Variants in ADGRB3 observed in about 807,000 individuals in gnomAD.
ADGRB3 encodes the protein adhesion G protein-coupled receptor B3.
In ADGRB3, 37 loss-of-function variants were observed where a neutral mutation model predicts 193.4. The observed-to-expected ratio is 0.19, with a 90% CI of 0.15 to 0.25. The LOEUF is 0.25. ADGRB3 is among the 10% of genes least tolerant of loss of function. The probability of loss-of-function intolerance (pLI) is 1.00; values close to 1 mark genes in which losing one functional copy is unlikely to be tolerated. For missense variants in ADGRB3, 1,637 were observed against 1,852.9 expected (o/e 0.88, Z 2.14); for synonymous variants, 690 against 644.2 (o/e 1.07, Z -1.08).
intron 3 of ADGRB3, among the ~76,000 whole-genome samples, chr6:68,821,325 C>T (rs984553769): frequency 4.0e-5 from 6 of 151,878 alleles, no homozygotes; most frequent in East Asian, 1.9e-4. Context: ...TTTACATAAG[C>T]GTAAATTACT....
intron 8 of ADGRB3, among the ~76,000 whole-genome samples, chr6:68,957,834 CTAAGAA>C (rs1198512606): frequency 6.6e-6 from 1 of 152,120 alleles, no homozygotes; most frequent in African/African-American, 2.4e-5. Flanking sequence ...CAGTACAACA[CTAAGAA>C]TAACAACAGA....
chr6:68,890,145 A>G (rs1033124838), intron 3 of ADGRB3, among the ~76,000 whole-genome samples: 3 of 152,218 alleles, frequency 2.0e-5, no homozygotes, highest in Non-Finnish European at 4.4e-5. Context: ...AAAACCACAA[A>G]GCACTTAATG....
At chr6:69,288,351 T>C (rs1767596900) in intron 20 of ADGRB3, among the ~76,000 whole-genome samples, 2 of 152,198 alleles carry the variant, frequency 1.3e-5, no homozygotes, top group Non-Finnish European at 2.9e-5. Context: ...TCCAGCTTTA[T>C]CCATGTCCCT....
At chr6:69,325,872 A>G (rs1382229677) in intron 21 of ADGRB3, among the ~76,000 whole-genome samples, 1 of 152,198 alleles carries the variant, frequency 6.6e-6, no homozygotes, top group Admixed American at 6.5e-5. Context: ...ATAAATTAGG[A>G]CTTTATCCAC....
At chr6:69,353,960 G>A (rs1346183935) in intron 26 of ADGRB3, among the ~76,000 whole-genome samples, 11 of 152,198 alleles carry the variant, frequency 7.2e-5, no homozygotes, top group Admixed American at 7.2e-4. Context: ...CTACTTGAGA[G>A]GCTGAGGCAG....
At chr6:68,761,069 T>G (rs1242826863) in intron 3 of ADGRB3, among the ~76,000 whole-genome samples, 1 of 152,172 alleles carries the variant, frequency 6.6e-6, no homozygotes, top group Admixed American at 6.6e-5. Flanking sequence ...TCCTGCTGCC[T>G]CCTCCAGCGG....
intron 11 of ADGRB3, among the ~76,000 whole-genome samples, chr6:69,001,412 A>G (rs1769572834): frequency 6.6e-6 from 1 of 152,224 alleles, no homozygotes; most frequent in Non-Finnish European, 1.5e-5. Flanking sequence ...TTTGAACTTG[A>G]TTCTCTATAA....
At chr6:68,923,453 A>G (rs192709392) in intron 3 of ADGRB3, among the ~76,000 whole-genome samples, 46 of 152,102 alleles carry the variant, frequency 3.0e-4, no homozygotes, top group Admixed American at 3.0e-3. Context: ...CTCCACTTAT[A>G]TTTTTTTGGT....
At chr6:68,857,674 G>A (rs1765026646) in intron 3 of ADGRB3, among the ~76,000 whole-genome samples, 1 of 152,148 alleles carries the variant, frequency 6.6e-6, no homozygotes, top group South Asian at 2.1e-4. Flanking sequence ...TGAGACTTTG[G>A]ACTGTGGACT....
intron 20 of ADGRB3, among the ~76,000 whole-genome samples, chr6:69,257,789 C>G (rs972343348): frequency 6.6e-6 from 1 of 152,118 alleles, no homozygotes; most frequent in Non-Finnish European, 1.5e-5. Context: ...GCAGATTCTC[C>G]CCTGGATACC....
chr6:69,144,444 T>C (rs1413149060), intron 17 of ADGRB3, among the ~76,000 whole-genome samples: 1 of 152,204 alleles, frequency 6.6e-6, no homozygotes, highest in Admixed American at 6.5e-5. Flanking sequence ...TACAGTATCA[T>C]GTTAAATAAC....
At chr6:69,053,315 A>G (rs558203175) in intron 15 of ADGRB3, among the ~76,000 whole-genome samples, 9 of 152,330 alleles carry the variant, frequency 5.9e-5, no homozygotes, top group South Asian at 2.1e-4. Context: ...CTAAGATTAT[A>G]TGTCCATTAG....
At chr6:69,005,409 A>G (rs1388758898) in intron 11 of ADGRB3, among the ~76,000 whole-genome samples, 1 of 152,026 alleles carries the variant, frequency 6.6e-6, no homozygotes, top group Non-Finnish European at 1.5e-5. Flanking sequence ...CTGAGACTCC[A>G]CAAGTTAAAC....
intron 3 of ADGRB3, among the ~76,000 whole-genome samples, chr6:68,904,568 G>T (rs1215144871): frequency 2.0e-5 from 3 of 152,064 alleles, no homozygotes; most frequent in African/African-American, 7.2e-5. Flanking sequence ...TAAATAAATG[G>T]AATCATTGCT....
intron 3 of ADGRB3, among the ~76,000 whole-genome samples, chr6:68,870,761 G>A (rs1005921634): frequency 1.3e-5 from 2 of 152,152 alleles, no homozygotes; most frequent in African/African-American, 2.4e-5. Context: ...TTTAATATGA[G>A]GAGAGAAATA....
chr6:68,694,909 G>A (rs1360188671), intron 3 of ADGRB3, among the ~76,000 whole-genome samples: 1 of 151,976 alleles, frequency 6.6e-6, no homozygotes, highest in Non-Finnish European at 1.5e-5. Context: ...TATGGGTTTA[G>A]GGTTTTAGAA....
chr6:69,183,555 A>T (rs1349006648), intron 17 of ADGRB3, among the ~76,000 whole-genome samples: 1 of 152,124 alleles, frequency 6.6e-6, no homozygotes, highest in Non-Finnish European at 1.5e-5. Flanking sequence ...GTCCTTACCA[A>T]AGTACTTATA....
At chr6:69,136,968 C>T (rs1362813084) in intron 17 of ADGRB3, among the ~76,000 whole-genome samples, 1 of 151,848 alleles carries the variant, frequency 6.6e-6, no homozygotes, top group African/African-American at 2.4e-5. Flanking sequence ...GTGGTTTCCT[C>T]CTTTTTAAAA....
chr6:69,114,089 A>G (rs941645935), intron 17 of ADGRB3, among the ~76,000 whole-genome samples: 7 of 152,182 alleles, frequency 4.6e-5, no homozygotes, highest in African/African-American at 1.7e-4. Flanking sequence ...ATATGGCTTT[A>G]GTAATTTTGT....
Sources: gnomAD v4.1 joint callset for allele counts (sites outside exome capture counted in the v4.1 genomes callset) on GRCh38, gnomAD v4.1.1 for gene constraint, MANE v1.5 for transcripts, NCBI Gene and HGNC (gene_info 2026-07-23, HGNC 2026-07-21) for gene names.